The following PTPRM variants were observed in gnomAD, a reference collection of about 807,000 sequenced individuals.
PTPRM encodes receptor-type tyrosine-protein phosphatase mu.
In PTPRM, 47 loss-of-function variants were observed where a neutral mutation model predicts 186.7. That is an observed-to-expected ratio of 0.25 (90% CI 0.20 to 0.32). The LOEUF (loss-of-function observed/expected upper bound fraction) is 0.32. PTPRM is among the 10% of genes least tolerant of loss of function. The pLI, the probability that PTPRM is intolerant of heterozygous loss-of-function variation, is 1.00. For missense variants in PTPRM, 1,494 were observed against 1,865.0 expected (o/e 0.80, Z 3.66); for synonymous variants, 668 against 674.9 (o/e 0.99, Z 0.16).
intron 3 of PTPRM, among the ~76,000 whole-genome samples, chr18:7,896,596 T>C (rs1013964486): frequency 6.6e-6 from 1 of 152,152 alleles, no homozygotes; most frequent in Non-Finnish European, 1.5e-5. Flanking sequence ...GCATGGACTA[T>C]AGGGAATGGG....
At chr18:8,244,281 T>C in intron 15 of PTPRM, 72 bp downstream of exon 15, 1 of 1,267,224 alleles carries the variant, frequency 7.9e-7, no homozygotes. Context: ...TACTAGGGGA[T>C]TTCAAAAAAA....
At chr18:7,640,160 G>A (rs1347197048) in intron 1 of PTPRM, among the ~76,000 whole-genome samples, 1 of 152,124 alleles carries the variant, frequency 6.6e-6, no homozygotes, top group East Asian at 1.9e-4. Context: ...ATCTTAGAAT[G>A]TTAATAAAAT....
intron 1 of PTPRM, among the ~76,000 whole-genome samples, chr18:7,736,368 G>A (rs953181830): frequency 6.6e-6 from 1 of 151,978 alleles, no homozygotes; most frequent in African/African-American, 2.4e-5. Context: ...CACCCAGGCT[G>A]GAGTGCAGTG....
chr18:8,024,645 T>A (rs551541100), intron 7 of PTPRM, among the ~76,000 whole-genome samples: 118 of 151,098 alleles, frequency 7.8e-4, no homozygotes, highest in African/African-American at 2.8e-3. Context: ...AGACTGTACT[T>A]TTCACACCAA....
intron 1 of PTPRM, among the ~76,000 whole-genome samples, chr18:7,648,623 G>A (rs2038622264): frequency 6.6e-6 from 1 of 152,196 alleles, no homozygotes. Flanking sequence ...CTGAATAGAA[G>A]ATTAGATCAG....
intron 3 of PTPRM, among the ~76,000 whole-genome samples, chr18:7,889,776 G>A (rs1321877156): frequency 1.3e-5 from 2 of 152,162 alleles, no homozygotes; most frequent in Non-Finnish European, 2.9e-5. Context: ...CCAGTGAGGG[G>A]CAGGTCCCTG....
chr18:8,375,230 C>T (rs1449170830), intron 24 of PTPRM, among the ~76,000 whole-genome samples: 1 of 152,192 alleles, frequency 6.6e-6, no homozygotes, highest in African/African-American at 2.4e-5. Flanking sequence ...GGCAGCTCCC[C>T]TTCGATTTAC....
At chr18:7,936,667 C>T (rs118170684) in intron 5 of PTPRM, among the ~76,000 whole-genome samples, 3,982 of 152,250 alleles carry the variant, frequency 0.026, 80 homozygotes, top group Non-Finnish European at 0.042. Flanking sequence ...GGGAGTTCCC[C>T]GGTGAAGTCC....
At chr18:8,252,316 A>G (rs2094535111) in intron 17 of PTPRM, among the ~76,000 whole-genome samples, 172 bp from the exon 18 acceptor site, 1 of 152,254 alleles carries the variant, frequency 6.6e-6, no homozygotes, top group Non-Finnish European at 1.5e-5. Flanking sequence ...CTCCATCCTA[A>G]CGTGATGGAA....
At chr18:8,107,029 C>T (rs1286225292) in intron 11 of PTPRM, among the ~76,000 whole-genome samples, 1 of 152,170 alleles carries the variant, frequency 6.6e-6, no homozygotes, top group East Asian at 1.9e-4. Flanking sequence ...AGGAACAAAG[C>T]TATTTGGTGT....
chr18:8,306,518 G>C (rs1453853732), intron 20 of PTPRM, among the ~76,000 whole-genome samples: 1 of 152,202 alleles, frequency 6.6e-6, no homozygotes, highest in East Asian at 1.9e-4. Context: ...CTACAGCTCA[G>C]GTCTTCTCAA....
At chr18:8,314,681 T>C (rs2095295277) in intron 20 of PTPRM, 100 bp from the exon 21 acceptor site, 1 of 714,864 alleles carries the variant, frequency 1.4e-6, no homozygotes, top group Non-Finnish European at 2.4e-6. Flanking sequence ...GCAGAGTGTC[T>C]GTGGGTGATC....
intron 1 of PTPRM, among the ~76,000 whole-genome samples, chr18:7,614,627 A>T (rs1022126790): frequency 6.6e-6 from 1 of 152,220 alleles, no homozygotes; most frequent in Non-Finnish European, 1.5e-5. Context: ...ATCATCCCCA[A>T]CCAAAACATC....
intron 7 of PTPRM, chr18:8,017,757 A>G (rs906405340): frequency 6.6e-6 from 1 of 152,114 alleles, no homozygotes; most frequent in Non-Finnish European, 1.5e-5. Flanking sequence ...GAGGTAGGTG[A>G]TATCACAAAG....
chr18:8,113,636 C>T lies in PTPRM; in HGVS notation c.2007C>T (p.Ser669=). 1 of 1,614,052 alleles carries T rather than the reference C, an allele frequency of 6.2e-7. No homozygotes were observed. The highest frequency in any genetic ancestry group is 1.6e-4 in the Middle Eastern group (1 of 6,062). ...YYFAAEFPAD[S]LQAAQPFTIG... ...TTGCTGCAGAATTTCCTGCAGACAG[C>T]CTCCAAGCTGCGCAGCCTTTTACAA... The change falls in exon 12 of 33, where the codon AGC becomes AGT. Residue 669 remains serine (S), a synonymous_variant. Coordinates refer to ENST00000580170, the MANE Select transcript of PTPRM (RefSeq NM_001105244.2).
At chr18:8,016,274 C>G (rs896239137) in intron 7 of PTPRM, among the ~76,000 whole-genome samples, 3 of 152,132 alleles carry the variant, frequency 2.0e-5, no homozygotes, top group South Asian at 4.1e-4. Flanking sequence ...AATTCCAGCA[C>G]TTTGTGAGGC....
chr18:8,018,412 T>G (rs1008492498), intron 7 of PTPRM, among the ~76,000 whole-genome samples: 1 of 152,210 alleles, frequency 6.6e-6, no homozygotes, highest in Non-Finnish European at 1.5e-5. Flanking sequence ...AGCTGCAAGT[T>G]GCTTGTTACG....
chr18:8,330,692 G>A (rs2095407598), intron 22 of PTPRM, among the ~76,000 whole-genome samples: 1 of 144,848 alleles, frequency 6.9e-6, no homozygotes, highest in Non-Finnish European at 1.5e-5. Flanking sequence ...CCGTCTCTCT[G>A]TTCCCCTCTT....
At chr18:8,026,601 A>G (rs918099284) in intron 7 of PTPRM, among the ~76,000 whole-genome samples, 3 of 152,228 alleles carry the variant, frequency 2.0e-5, no homozygotes, top group Non-Finnish European at 4.4e-5. Flanking sequence ...TCACGCTTGT[A>G]ATTCCAACAC....
Sources: gnomAD v4.1 joint callset for allele counts (sites outside exome capture counted in the v4.1 genomes callset) on GRCh38, gnomAD v4.1.1 for gene constraint, MANE v1.5 for transcripts, NCBI Gene and HGNC (gene_info 2026-07-23, HGNC 2026-07-21) for gene names.